Variants in COLEC10 observed in about 807,000 individuals in gnomAD.
The protein encoded by COLEC10 is collectin-10.
COLEC10 carries 22 observed loss-of-function variants against 28.4 expected under a neutral mutation model. The observed-to-expected ratio is 0.78, with a 90% CI of 0.55 to 1.11. COLEC10 has a LOEUF of 1.11. COLEC10 is among the 50% of genes least tolerant of loss of function. The pLI is 0.00. For synonymous variants in COLEC10, 125 were observed against 116.1 expected, an observed-to-expected ratio of 1.08 and a Z score of -0.49; for missense variants, 361 against 344.1, an observed-to-expected ratio of 1.05 and a Z score of -0.39.
chr8:118,965,349 G>T, the COLEC10 span, among the ~76,000 whole-genome samples: 1 of 152,090 alleles, frequency 6.6e-6, no homozygotes, highest in Non-Finnish European at 1.5e-5. Context: ...CCTAGTGGTT[G>T]CAAGATGACT....
At chr8:119,012,722 A>G (rs545105374) in intron 2 of COLEC10, among the ~76,000 whole-genome samples, 90 of 150,554 alleles carry the variant, frequency 6.0e-4, no homozygotes, top group Non-Finnish European at 1.2e-3. Context: ...CAAGGAATTC[A>G]TTCATTTTAT....
chr8:118,956,056 T>C, the COLEC10 span, among the ~76,000 whole-genome samples: 3 of 152,162 alleles, frequency 2.0e-5, no homozygotes, highest in Non-Finnish European at 4.4e-5. Context: ...ACCAGCATGG[T>C]TGAGTTCTGA....
At position 119,092,219 on chromosome 8, in the gene COLEC10, AC is replaced by A. The variant is rs532666861; in HGVS notation, c.292+1001del. Reference sequence around the variant, plus strand: ...CGAGTAGCTGGGACTACAGATGCCCACCACCACGCCCAGCTGATTTTTTGTA... The same window carrying A: ...CGAGTAGCTGGGACTACAGATGCCCACACCACGCCCAGCTGATTTTTTGTA... On this transcript the variant is annotated intron_variant, in intron 3 of 5. Coordinates refer to ENST00000332843, the MANE Select transcript of COLEC10 (RefSeq NM_006438.5). 3.0e-3 allele frequency among the ~76,000 whole-genome samples: 462 copies of A among 151,920 alleles called. 11 individuals carry two copies. In the South Asian group the frequency reaches 0.044, roughly 15 times the overall value.
upstream of COLEC10, among the ~76,000 whole-genome samples, chr8:119,062,479 AT>A (rs60708114): frequency 0.26 from 38,540 of 146,614 alleles, 5,364 homozygotes; most frequent in East Asian, 0.66. Context: ...TGAATATTTG[AT>A]TTTTTTTTTT....
At chr8:119,048,820 C>T (rs142717142) in intron 2 of COLEC10, among the ~76,000 whole-genome samples, 2 of 152,150 alleles carry the variant, frequency 1.3e-5, no homozygotes, top group African/African-American at 4.8e-5. Flanking sequence ...TTAAATGGGG[C>T]ATTTAGCCCA....
chr8:119,076,101 C>T (rs1297658115), intron 1 of COLEC10, among the ~76,000 whole-genome samples: 8 of 128,570 alleles, frequency 6.2e-5, no homozygotes, highest in East Asian at 4.5e-4. Flanking sequence ...TAAGTAGAGA[C>T]GGGGTTTCAC....
chr8:119,067,417 C>T lies in COLEC10; in HGVS notation c.136C>T (p.Pro46Ser), dbSNP rs1814992740. ...AGTCTGTGCCACACACACAATTTCA[C>T]CAGGACCCAAAGGTGAGGAAAGAAA... The part of the protein sequence containing the change: ...AEVCATHTIS[P>S]GPKGDDGEKG... Residue 46 changes from proline to serine, a missense_variant, in exon 1 of 6, where the codon CCA becomes TCA. This residue lies in a region of COLEC10 where 335 missense variants were observed against 308.5 expected (regional missense o/e 1.09). Coordinates refer to ENST00000332843, the MANE Select transcript of COLEC10 (RefSeq NM_006438.5). 6.2e-7 allele frequency: 1 copy of T among 1,613,792 alleles called. No homozygotes were observed. Among genetic ancestry groups the T allele is most frequent in the Middle Eastern group, 1.7e-4 (1 of 6,060 alleles).
intron 2 of COLEC10, among the ~76,000 whole-genome samples, chr8:119,045,701 A>C (rs955009987): frequency 6.6e-6 from 1 of 152,214 alleles, no homozygotes; most frequent in East Asian, 1.9e-4. Context: ...GGCTTCTATA[A>C]ATAGTAAGCA....
chr8:119,044,723 C>T (rs770840102), intron 2 of COLEC10, among the ~76,000 whole-genome samples: 28 of 151,906 alleles, frequency 1.8e-4, no homozygotes, highest in Non-Finnish European at 4.0e-4. Flanking sequence ...GGCGTGGTGG[C>T]TCACGTCTGT....
chr8:118,985,490 G>C, the COLEC10 span, among the ~76,000 whole-genome samples: 2 of 151,906 alleles, frequency 1.3e-5, no homozygotes, highest in East Asian at 3.9e-4. Context: ...CAGTTGTTGA[G>C]TAAATGTGTT....
chr8:118,968,583 A>G, the COLEC10 span, among the ~76,000 whole-genome samples: 23 of 151,548 alleles, frequency 1.5e-4, no homozygotes, highest in Non-Finnish European at 2.1e-4. Context: ...ACATATATAT[A>G]TGTGTGTATA....
the COLEC10 span, among the ~76,000 whole-genome samples, chr8:118,990,257 T>C: frequency 3.9e-5 from 6 of 152,146 alleles, no homozygotes; most frequent in Non-Finnish European, 2.9e-5. Flanking sequence ...TTCTTACATA[T>C]GTATATGCAT....
intron 2 of COLEC10, among the ~76,000 whole-genome samples, chr8:119,024,068 G>T (rs1563720118): frequency 6.6e-6 from 1 of 152,134 alleles, no homozygotes; most frequent in Non-Finnish European, 1.5e-5. Context: ...TATTAAATTT[G>T]CAGTGTTCTC....
chr8:119,044,720 T>C (rs1386756096), intron 2 of COLEC10, among the ~76,000 whole-genome samples: 1 of 151,776 alleles, frequency 6.6e-6, no homozygotes, highest in African/African-American at 2.4e-5. Context: ...CCAGGCGTGG[T>C]GGCTCACGTC....
chr8:119,091,096 T>C, intron 2 of COLEC10, 53 bp from the exon 3 acceptor site: 1 of 1,434,624 alleles, frequency 7.0e-7, no homozygotes, highest in Admixed American at 1.7e-5. Context: ...ATTAGCCACA[T>C]TTCAAGGGAA....
intron 3 of COLEC10, among the ~76,000 whole-genome samples, chr8:119,095,147 A>C (rs1054989081): frequency 6.6e-6 from 1 of 152,234 alleles, no homozygotes; most frequent in Non-Finnish European, 1.5e-5. Flanking sequence ...ATGGCTTGAC[A>C]TACAAAAATC....
intron 1 of COLEC10, among the ~76,000 whole-genome samples, chr8:119,001,809 C>T (rs1319700349): frequency 1.3e-5 from 2 of 152,150 alleles, no homozygotes; most frequent in African/African-American, 4.8e-5. Context: ...TCAGAGAGAA[C>T]CACTTTCAGC....
At chr8:118,958,268 G>A in the COLEC10 span, among the ~76,000 whole-genome samples, 5 of 152,196 alleles carry the variant, frequency 3.3e-5, no homozygotes, top group African/African-American at 9.6e-5. Context: ...TTAGGGGGGC[G>A]AGAGCAGTGG....
intron 1 of COLEC10, among the ~76,000 whole-genome samples, chr8:118,997,329 A>G (rs1813606223): frequency 6.6e-6 from 1 of 152,062 alleles, no homozygotes; most frequent in Non-Finnish European, 1.5e-5. Flanking sequence ...CCACTTGTCT[A>G]TTCTTGCTTT....
Sources: gnomAD v4.1 joint callset for allele counts (sites outside exome capture counted in the v4.1 genomes callset) on GRCh38, gnomAD v4.1.1 for gene constraint, gnomAD v4.1.1 regional missense constraint, MANE v1.5 for transcripts, NCBI Gene and HGNC (gene_info 2026-07-23, HGNC 2026-07-21) for gene names.